The following TTBK2 variants were observed in gnomAD, a reference collection of about 807,000 sequenced individuals.
TTBK2 encodes the protein tau-tubulin kinase 2.
TTBK2 carries 28 observed loss-of-function variants against 110.8 expected under a neutral mutation model. The ratio of observed to expected loss-of-function variants is 0.25; its 90% CI spans 0.19 to 0.35. The LOEUF (loss-of-function observed/expected upper bound fraction) is 0.35, where lower values mean the gene tolerates loss of function less well. Among genes scored for constraint, TTBK2 ranks in the 10% least tolerant of loss-of-function variants. The pLI, the probability that TTBK2 is intolerant of heterozygous loss-of-function variation, is 1.00. For missense variants in TTBK2, 1,369 were observed against 1,500.3 expected (o/e 0.91, Z 1.45); for synonymous variants, 532 against 527.3 (o/e 1.01, Z -0.12).
chr15:42,876,980 CTAAT>C (rs554337360), intron 2 of TTBK2, among the ~76,000 whole-genome samples: 86 of 152,210 alleles, frequency 5.7e-4, no homozygotes, highest in Middle Eastern at 3.4e-3. Context: ...AAAAACAAAT[CTAAT>C]TGATCACTTT....
chr15:42,827,794 T>C (rs918556146), intron 6 of TTBK2, 134 bp downstream of exon 6: 14 of 745,922 alleles, frequency 1.9e-5, no homozygotes, highest in Non-Finnish European at 2.6e-5. Context: ...CATTCTATAA[T>C]TTAATCATTA....
chr15:42,739,797 G>A lies in TTBK2; in HGVS notation c.*5998C>T, dbSNP rs1484043116. ...CCCTATAAGTCAAATTCAAGTTCTG[G>A]TAGCCTTGTTTACCCCTTGTAGGCG... is the stretch of plus-strand genomic sequence containing the variant. On this transcript the variant is annotated 3_prime_UTR_variant, in exon 15 of 15. Transcript: ENST00000267890. The A allele has an allele frequency of 1.3e-5, 2 of 152,182 alleles. No homozygotes were observed. The highest frequency in any genetic ancestry group is 3.8e-4 in the East Asian group (2 of 5,204). The allele number at this position is 152,182 out of a possible 1,614,324, so 9.4% of individuals were successfully genotyped here. A position where few individuals can be genotyped will look rare whatever the true frequency, so the allele number is the denominator to read the frequency against.
At chr15:42,774,930 G>A (rs1007557744) in intron 13 of TTBK2, among the ~76,000 whole-genome samples, 18 of 152,170 alleles carry the variant, frequency 1.2e-4, no homozygotes, top group Non-Finnish European at 4.4e-5. Context: ...TTCATGTATT[G>A]AGTTTGATAT....
chr15:42,751,831 A>G, intron 14 of TTBK2, 143 bp downstream of exon 14: 1 of 960,398 alleles, frequency 1.0e-6, no homozygotes. Flanking sequence ...CTTCTACTGC[A>G]CTAGGCTGTA....
intron 9 of TTBK2, among the ~76,000 whole-genome samples, chr15:42,808,918 G>C (rs1216837082): frequency 6.6e-6 from 1 of 152,176 alleles, no homozygotes. Flanking sequence ...ATTCAGGAAT[G>C]AATCTCAAAC....
At chr15:42,812,498 C>A (rs563054616) in intron 7 of TTBK2, among the ~76,000 whole-genome samples, 9 of 152,166 alleles carry the variant, frequency 5.9e-5, no homozygotes, top group African/African-American at 1.7e-4. Flanking sequence ...TCATGCCCTG[C>A]AGGAATGACA....
intron 9 of TTBK2, among the ~76,000 whole-genome samples, chr15:42,806,035 G>A (rs2140911176): frequency 6.6e-6 from 1 of 152,246 alleles, no homozygotes; most frequent in Non-Finnish European, 1.5e-5. Context: ...AGGCCAAGGT[G>A]GGTGGATCAC....
At chr15:42,904,080 G>A (rs1202107473) in intron 1 of TTBK2, among the ~76,000 whole-genome samples, 1 of 152,144 alleles carries the variant, frequency 6.6e-6, no homozygotes, top group Non-Finnish European at 1.5e-5. Context: ...TCCCAAGCTG[G>A]GTCTTGTGAT....
intron 1 of TTBK2, among the ~76,000 whole-genome samples, chr15:42,886,764 C>T (rs1039491770): frequency 3.9e-5 from 6 of 152,242 alleles, no homozygotes; most frequent in African/African-American, 1.2e-4. Flanking sequence ...AGCGGTCAGG[C>T]GTTCCTTCAG....
At chr15:42,815,073 A>G (rs1011832431) in intron 7 of TTBK2, among the ~76,000 whole-genome samples, 18 of 152,240 alleles carry the variant, frequency 1.2e-4, no homozygotes, top group African/African-American at 3.4e-4. Context: ...ATGTATTTTC[A>G]CAGATTCCAA....
rs572550738 is a variant in TTBK2 at position 42,741,092 on chromosome 15, G to T, written c.*4703C>A. 1.3e-5 allele frequency: 2 copies of T among 152,166 alleles called. No individual in the cohort carries two copies. The highest frequency in any genetic ancestry group is 6.5e-5 in the Admixed American group (1 of 15,276). 9.4% of individuals were successfully genotyped at this position (152,166 alleles called of 1,614,324 possible). A position where few individuals can be genotyped will look rare whatever the true frequency, so the allele number is the denominator to read the frequency against. ...CAGTGTTGGACAATGGATTCTAAAG[G>T]TTCCTGAGACTTTGTTAAATTTCTC... On this transcript the variant is annotated 3_prime_UTR_variant, in exon 15 of 15. Coordinates refer to ENST00000267890, the MANE Select transcript of TTBK2 (RefSeq NM_173500.4).
At chr15:42,803,555 C>T (rs1167410049) in intron 9 of TTBK2, among the ~76,000 whole-genome samples, 1 of 152,130 alleles carries the variant, frequency 6.6e-6, no homozygotes, top group African/African-American at 2.4e-5. Context: ...CTTTCAGGGG[C>T]TCAGTCAGTC....
intron 3 of TTBK2, among the ~76,000 whole-genome samples, chr15:42,845,213 T>A (rs1013368325): frequency 1.1e-4 from 16 of 151,714 alleles, no homozygotes; most frequent in Admixed American, 2.6e-4. Flanking sequence ...TTGATACGAG[T>A]TAAGGTGGGC....
chr15:42,907,838 C>A (rs1418622014), intron 1 of TTBK2, among the ~76,000 whole-genome samples: 1 of 151,270 alleles, frequency 6.6e-6, no homozygotes, highest in Non-Finnish European at 1.5e-5. Context: ...CTTTCAGAGG[C>A]CAAGGCAGAT....
intron 3 of TTBK2, among the ~76,000 whole-genome samples, chr15:42,846,107 T>A (rs1893450986): frequency 6.6e-6 from 1 of 150,936 alleles, no homozygotes; most frequent in South Asian, 2.1e-4. Context: ...CCATACTGAT[T>A]GTTTAGGAAA....
chr15:42,904,760 CCATAT>C (rs1248434049), intron 1 of TTBK2, among the ~76,000 whole-genome samples: 1 of 152,124 alleles, frequency 6.6e-6, no homozygotes, highest in Non-Finnish European at 1.5e-5. Context: ...AGATGAAGAC[CCATAT>C]CATAATGATT....
At chr15:42,790,818 G>A (rs1890636190) in intron 10 of TTBK2, among the ~76,000 whole-genome samples, 1 of 152,108 alleles carries the variant, frequency 6.6e-6, no homozygotes, top group South Asian at 2.1e-4. Flanking sequence ...TCCTGCCTCA[G>A]CCTCCGGAGT....
At chr15:42,830,201 T>G (rs1271801409) in intron 4 of TTBK2, 123 bp from the exon 5 acceptor site, 5 of 1,280,938 alleles carry the variant, frequency 3.9e-6, no homozygotes, top group Admixed American at 4.2e-5. Flanking sequence ...TTTTTTTTTT[T>G]TTTGAGAGGG....
chr15:42,810,904 T>A lies in TTBK2; in HGVS notation c.697-165A>T, dbSNP rs935472860. Among the ~76,000 whole-genome samples, 6 of 152,232 alleles carry A rather than the reference T, an allele frequency of 3.9e-5. No homozygotes were observed. In the East Asian group the frequency reaches 9.6e-4, roughly 24 times the overall value. On this transcript the variant is annotated intron_variant, in intron 8 of 14. Coordinates refer to ENST00000267890, the MANE Select transcript of TTBK2 (RefSeq NM_173500.4). The stretch of plus-strand genomic sequence containing the variant: ...TACTAACAGCTTAATGTACAGTGTT[T>A]TAAAGCGGAAAAAAACTATAATGCA...
Sources: allele counts gnomAD v4.1 joint callset (sites outside exome capture counted in the v4.1 genomes callset), GRCh38; gene constraint gnomAD v4.1.1; transcripts MANE v1.5; gene names NCBI Gene and HGNC (gene_info 2026-07-23, HGNC 2026-07-21).